ASB13: variants seen among roughly 807,000 people sequenced by gnomAD.
ASB13 encodes the protein ankyrin repeat and SOCS box protein 13.
Under a neutral mutation model 28.8 loss-of-function variants are expected in ASB13, and 33 were observed. The ratio of observed to expected loss-of-function variants is 1.15; its 90% confidence interval spans 0.87 to 1.53. ASB13 has a LOEUF of 1.53. Among genes scored for constraint, ASB13 ranks in the 40% most tolerant of loss-of-function variants. ASB13 has a pLI of 0.00. For missense variants in ASB13, 414 were observed against 390.1 expected, an observed-to-expected ratio of 1.06 and a Z score of -0.52; for synonymous variants, 182 against 172.9, an observed-to-expected ratio of 1.05 and a Z score of -0.41.
At chr10:5,643,760 C>G (rs953108341) in intron 4 of ASB13, among the ~76,000 whole-genome samples, 4 of 152,196 alleles carry the variant, frequency 2.6e-5, no homozygotes, top group African/African-American at 9.7e-5. Flanking sequence ...GTAGCTTTCT[C>G]TCATGTCATT....
intron 4 of ASB13, among the ~76,000 whole-genome samples, chr10:5,647,907 G>T (rs528710390): frequency 6.6e-6 from 1 of 152,248 alleles, no homozygotes; most frequent in South Asian, 2.1e-4. Flanking sequence ...AGCCTTGCAA[G>T]TATATACCCA....
Position 5,640,732 on chromosome 10 carries a change from G to A in ASB13, c.808C>T (p.Arg270Trp), listed in dbSNP as rs1246933560. The part of the protein sequence containing the change: ...EKIAKLNIPP[R>W]LIDYLSYN Reference sequence around the variant, plus strand: ...TTGTAGGAGAGGTAATCAATGAGCCGGGGCGGGATGTTTAACTTGGCAATC... The same window carrying A: ...TTGTAGGAGAGGTAATCAATGAGCCAGGGCGGGATGTTTAACTTGGCAATC... The change falls in exon 6 of 6, where the codon CGG becomes TGG. Residue 270 changes from arginine to tryptophan, a missense_variant. Arg to Trp is a moderately radical substitution (Grantham distance 101, BLOSUM62 -3). Transcript: ENST00000357700. 25 of 1,614,000 alleles carry A rather than the reference G, an allele frequency of 1.5e-5. No homozygotes were observed. The highest frequency in any genetic ancestry group is 1.6e-4 in the Middle Eastern group (1 of 6,084).
At position 5,640,218 on chromosome 10, in the gene ASB13, C is replaced by G. The variant is rs1413413841; in HGVS notation, c.*485G>C. 6.4e-6 allele frequency: 1 copy of G among 155,864 alleles called. No individual in the cohort carries two copies. The highest frequency in any genetic ancestry group is 6.3e-5 in the Admixed American group (1 of 15,900). The allele number at this position is 155,864 out of a possible 1,614,324, so 9.7% of individuals were successfully genotyped here. ...CATCCCAGGCCGACCTTCCGTGGGC[C>G]CAGCCATTCCCTATGAGCACCGAGG... On this transcript the variant is annotated 3_prime_UTR_variant, in exon 6 of 6. Transcript: ENST00000357700.
Position 5,656,115 on chromosome 10 carries a change from G to A in ASB13, c.44-3065C>T, listed in dbSNP as rs1835069866. Among the ~76,000 whole-genome samples, 1 of 152,220 alleles carries A rather than the reference G, an allele frequency of 6.6e-6. No individual in the cohort carries two copies. The highest frequency in any genetic ancestry group is 6.5e-5 in the Admixed American group (1 of 15,272). The stretch of plus-strand genomic sequence containing the variant: ...ACAGAGGCCGCAGAGCTGCAGCCGG[G>A]TCTATCTCAGGCACCGCTTATTCAC... On this transcript the variant is annotated intron_variant, in intron 1 of 5. Coordinates refer to ENST00000357700, the MANE Select transcript of ASB13 (RefSeq NM_024701.4). This position sits in a 1 kb window ranked among gnomAD's most constrained non-coding sequence, Gnocchi z 4.3.
In ASB13 at chr10:5,663,382, C is replaced by T. The variant is rs536081343; in HGVS notation, c.43+3127G>A. On this transcript the variant is annotated intron_variant, in intron 1 of 5. Transcript: ENST00000357700. The surrounding 1 kb of genome is among the most constrained non-coding windows in gnomAD (Gnocchi z 4.9). ...GCTGCATTATCCTTCAATGTCTCCT[C>T]CCCTGACTCCCTCATCACTCACCCA... is the stretch of plus-strand genomic sequence containing the variant. Among the ~76,000 whole-genome samples the T allele has an allele frequency of 6.6e-6, 1 of 152,276 alleles. No homozygotes were observed. Among genetic ancestry groups the T allele is most frequent in the African/African-American group, 2.4e-5 (1 of 41,554 alleles).
chr10:5,643,547 G>C (rs1247218844), intron 4 of ASB13, among the ~76,000 whole-genome samples: 1 of 152,194 alleles, frequency 6.6e-6, no homozygotes, highest in Non-Finnish European at 1.5e-5. Flanking sequence ...TCTATGTCCT[G>C]AATTTGGCAG....
rs1834976543 is a variant in ASB13 at position 5,651,101 on chromosome 10, C to T, written c.382+112G>A. ...CAGACTCAGAACTCTCCTTCACCAG[C>T]CAAGGGCTCCCAATTCTGTCTACTC... On this transcript the variant is annotated intron_variant, in intron 3 of 5. Transcript: ENST00000357700. This position sits in a 1 kb window ranked among gnomAD's most constrained non-coding sequence, Gnocchi z 5.1. 11 of 1,370,650 alleles carry T rather than the reference C, an allele frequency of 8.0e-6. No homozygotes were observed. The highest frequency in any genetic ancestry group is 1.1e-5 in the Non-Finnish European group (11 of 1,018,238). 84.9% of individuals were successfully genotyped at this position (1,370,650 alleles called of 1,614,324 possible).
intron 4 of ASB13, among the ~76,000 whole-genome samples, chr10:5,648,743 C>T (rs1245795481): frequency 1.4e-5 from 2 of 147,412 alleles, no homozygotes; most frequent in Non-Finnish European, 3.0e-5. Flanking sequence ...AACACCCACA[C>T]GGGCAAACAC....
rs936459719 is a variant in ASB13 at position 5,658,551 on chromosome 10, C to T, written c.44-5501G>A. On this transcript the variant is annotated intron_variant, in intron 1 of 5. Coordinates refer to ENST00000357700, the MANE Select transcript of ASB13 (RefSeq NM_024701.4). This position sits in a 1 kb window ranked among gnomAD's most constrained non-coding sequence, Gnocchi z 4.2. The stretch of plus-strand genomic sequence containing the variant: ...AAAGTAGAAAGGTAGTTGCCAGGGG[C>T]TTGGGGGAGGAGAAATGGGGAGTTA... Among the ~76,000 whole-genome samples the T allele has an allele frequency of 2.6e-5, 4 of 151,832 alleles. No individual in the cohort carries two copies. Among genetic ancestry groups the T allele is most frequent in the African/African-American group, 7.3e-5 (3 of 41,308 alleles).
In ASB13 at chr10:5,645,566, C is replaced by T. The variant is rs773617631; in HGVS notation, c.517+3404G>A. ...TCTCCACGTCCCCCGTGGGGTGCAA[C>T]GTGGCTCTGCCTCACAGCTCAGCTC... On this transcript the variant is annotated intron_variant, in intron 4 of 5. Coordinates refer to ENST00000357700, the MANE Select transcript of ASB13 (RefSeq NM_024701.4). This position sits in a 1 kb window ranked among gnomAD's most constrained non-coding sequence, Gnocchi z 5.4. 4.6e-5 allele frequency among the ~76,000 whole-genome samples: 7 copies of T among 152,200 alleles called. No individual in the cohort carries two copies. Among genetic ancestry groups the T allele is most frequent in the African/African-American group, 9.7e-5 (4 of 41,448 alleles).
At chr10:5,648,687 C>T (rs1834932007) in intron 4 of ASB13, among the ~76,000 whole-genome samples, 1 of 151,538 alleles carries the variant, frequency 6.6e-6, no homozygotes, top group Non-Finnish European at 1.5e-5. Context: ...CTCGGGTAAA[C>T]ACCCACGCGG....
In ASB13 at chr10:5,661,273, T is replaced by A. The variant is rs1835161561; in HGVS notation, c.43+5236A>T. ...TGCACCCACACTGGCGGGCCTCACTTGACCCACACAGGGACTGCAACCATA... is the reference window on the plus strand; with the variant it reads ...TGCACCCACACTGGCGGGCCTCACTAGACCCACACAGGGACTGCAACCATA... On this transcript the variant is annotated intron_variant, in intron 1 of 5. Transcript: ENST00000357700. This position sits in a 1 kb window ranked among gnomAD's most constrained non-coding sequence, Gnocchi z 4.9. Among the ~76,000 whole-genome samples the A allele has an allele frequency of 6.6e-6, 1 of 152,088 alleles. No individual in the cohort carries two copies. Among genetic ancestry groups the A allele is most frequent in the South Asian group, 2.1e-4 (1 of 4,826 alleles).
chr10:5,648,150 C>T (rs535047769), intron 4 of ASB13, among the ~76,000 whole-genome samples: 19 of 151,126 alleles, frequency 1.3e-4, no homozygotes, highest in African/African-American at 4.4e-4. Context: ...TAAACAACCA[C>T]GCGGGTAAAC....
chr10:5,652,762 G>T lies in ASB13; in HGVS notation c.231+101C>A. 3.1e-6 allele frequency: 4 copies of T among 1,278,334 alleles called. No homozygotes were observed. The highest frequency in any genetic ancestry group is 1.5e-5 in the South Asian group (1 of 65,882). 79.2% of individuals were successfully genotyped at this position (1,278,334 alleles called of 1,614,324 possible). A position where few individuals can be genotyped will look rare whatever the true frequency, so the allele number is the denominator to read the frequency against. On this transcript the variant is annotated intron_variant, in intron 2 of 5. Transcript: ENST00000357700. This position sits in a 1 kb window ranked among gnomAD's most constrained non-coding sequence, Gnocchi z 5.0. ...GGTACCTGTGTGCAGTGGACACAGT[G>T]CAGCCCCCATCCTCCCCTCTTTCCC...
In ASB13 at chr10:5,661,479, C is replaced by T. The variant is rs1835165651; in HGVS notation, c.43+5030G>A. Among the ~76,000 whole-genome samples the T allele has an allele frequency of 6.6e-6, 1 of 152,096 alleles. No individual in the cohort carries two copies. Among genetic ancestry groups the T allele is most frequent in the African/African-American group, 2.4e-5 (1 of 41,422 alleles). ...AAATACCCAAGATGCACCTTTTTTC[C>T]TATTTTGTTTTCTTATTGTTTATTT... is the stretch of plus-strand genomic sequence containing the variant. On this transcript the variant is annotated intron_variant, in intron 1 of 5. Transcript: ENST00000357700. The surrounding 1 kb of genome is among the most constrained non-coding windows in gnomAD (Gnocchi z 4.9).
At position 5,648,902 on chromosome 10, in the gene ASB13, G is replaced by A. The variant is rs561253064; in HGVS notation, c.517+68C>T. Reference sequence around the variant, plus strand: ...AACACCCACTTGGGCAAACACCCACGCAGGTAAACACCCGCTCGGGCAAAC... The same window carrying A: ...AACACCCACTTGGGCAAACACCCACACAGGTAAACACCCGCTCGGGCAAAC... On this transcript the variant is annotated intron_variant, in intron 4 of 5. Coordinates refer to ENST00000357700, the MANE Select transcript of ASB13 (RefSeq NM_024701.4). The A allele has an allele frequency of 2.0e-5, 32 of 1,577,762 alleles. No homozygotes were observed. In the East Asian group the frequency reaches 3.9e-4, roughly 19 times the overall value.
rs375757990 is a variant in ASB13 at position 5,652,946 on chromosome 10, C to T, written c.148G>A (p.Val50Met). The change falls in exon 2 of 6, where the codon GTG becomes ATG. Residue 50 changes from valine (V) to methionine (M), a missense_variant. Transcript: ENST00000357700. This position sits in a 1 kb window ranked among gnomAD's most constrained non-coding sequence, Gnocchi z 5.0. ...ESGACVNQVT[V>M]DSITPLHAAS... ...GCGTGCAGGGGCGTGATGGAGTCCA[C>T]GGTGACCTGGTTCACGCAGGCGCCG... is the stretch of plus-strand genomic sequence containing the variant. The T allele has an allele frequency of 1.4e-5, 22 of 1,580,208 alleles. No individual in the cohort carries two copies. Among genetic ancestry groups the T allele is most frequent in the African/African-American group, 5.4e-5 (4 of 74,470 alleles).
chr10:5,644,518 C>T lies in ASB13; in HGVS notation c.518-2557G>A, dbSNP rs549886639. Among the ~76,000 whole-genome samples the T allele has an allele frequency of 3.3e-5, 5 of 150,632 alleles. No individual in the cohort carries two copies. In the East Asian group the frequency reaches 6.0e-4, roughly 18 times the overall value. ...GTGAGAAAGAGAACATAAACAGGTA[C>T]TCGTTAGAGGAAAACAGGGCCAGAC... On this transcript the variant is annotated intron_variant, in intron 4 of 5. Transcript: ENST00000357700. The surrounding 1 kb of genome is among the most constrained non-coding windows in gnomAD (Gnocchi z 5.1).
In ASB13 at chr10:5,647,414, G is replaced by C. The variant is rs562351691; in HGVS notation, c.517+1556C>G. On this transcript the variant is annotated intron_variant, in intron 4 of 5. Transcript: ENST00000357700. ...AAAACTTTTGGTATAGACAGGTCCT[G>C]AGCCTAATCCTCGATTGGTTGGTCT... 1.5e-4 allele frequency among the ~76,000 whole-genome samples: 23 copies of C among 152,342 alleles called. 1 individual carries two copies. Among genetic ancestry groups the C allele is most frequent in the African/African-American group, 5.3e-4 (22 of 41,574 alleles).
Sources: gnomAD v4.1 joint callset for allele counts (sites outside exome capture counted in the v4.1 genomes callset) on GRCh38, gnomAD v4.1.1 for gene constraint, Gnocchi (gnomAD v3.1) non-coding constraint, MANE v1.5 for transcripts, NCBI Gene and HGNC (gene_info 2026-07-23, HGNC 2026-07-21) for gene names.